The following PPIG variants were observed in gnomAD, a reference collection of about 807,000 sequenced individuals.
PPIG encodes peptidylprolyl isomerase G.
A neutral mutation model predicts 87.9 loss-of-function variants in PPIG; 26 were observed. The ratio of observed to expected loss-of-function variants is 0.30; its 90% CI spans 0.22 to 0.41. PPIG has a LOEUF of 0.41. Ranked by LOEUF, PPIG falls within the 10% of genes least tolerant of loss-of-function variation. PPIG has a pLI of 1.00. For synonymous variants in PPIG, 308 were observed against 276.5 expected (o/e 1.11, Z -1.13); for missense variants, 722 against 879.4 (o/e 0.82, Z 2.26).
chr2:169,626,993 A>G (rs1685905513), intron 9 of PPIG, among the ~76,000 whole-genome samples: 1 of 152,090 alleles, frequency 6.6e-6, no homozygotes, highest in Non-Finnish European at 1.5e-5. Flanking sequence ...TACAGGTGTG[A>G]GCCACCACCA....
rs1685566970 is a variant in PPIG, at chr2:169,614,676, G to A, written c.499G>A (p.Ala167Thr). The A allele has an allele frequency of 6.2e-7, 1 of 1,612,258 alleles. No homozygotes were observed. The highest frequency in any genetic ancestry group is 8.5e-7 in the Non-Finnish European group (1 of 1,179,820). The change falls in exon 9 of 14, where the codon GCG (alanine) becomes ACG (threonine). Residue 167 changes from alanine to threonine, a missense_variant. Coordinates refer to ENST00000260970, the MANE Select transcript of PPIG (RefSeq NM_004792.3). ...QKTDAASKPF[A>T]EVRILSCGEL... ...AACAGATGCAGCTAGCAAACCGTTT[G>A]CGGAGGTACGGATACTCAGTTGTGG...
chr2:169,605,869 A>G (rs1685312389), intron 4 of PPIG, among the ~76,000 whole-genome samples, 170 bp from the exon 5 acceptor site: 1 of 152,192 alleles, frequency 6.6e-6, no homozygotes, highest in East Asian at 1.9e-4. Context: ...CATTCTCCAG[A>G]AATAACGTGG....
chr2:169,598,033 C>T (rs1685071348), intron 1 of PPIG, among the ~76,000 whole-genome samples: 1 of 150,508 alleles, frequency 6.6e-6, no homozygotes, highest in Non-Finnish European at 1.5e-5. Flanking sequence ...CAGGGTCCCA[C>T]TCTGTCGCCC....
intron 1 of PPIG, among the ~76,000 whole-genome samples, chr2:169,589,697 A>G (rs528321537): frequency 6.6e-6 from 1 of 152,200 alleles, no homozygotes; most frequent in African/African-American, 2.4e-5. Flanking sequence ...AACACTTCCT[A>G]GTAGATCTAG....
At chr2:169,586,976 C>G (rs1684721887) in intron 1 of PPIG, among the ~76,000 whole-genome samples, 1 of 152,140 alleles carries the variant, frequency 6.6e-6, no homozygotes, top group African/African-American at 2.4e-5. Context: ...CTCTGTCGCC[C>G]AGGCTGGAGT....
chr2:169,600,233 C>T (rs1158457764), intron 1 of PPIG, among the ~76,000 whole-genome samples: 2 of 151,986 alleles, frequency 1.3e-5, no homozygotes, highest in African/African-American at 4.8e-5. Context: ...TGCCACCATG[C>T]CTGTCTAATT....
intron 1 of PPIG, among the ~76,000 whole-genome samples, chr2:169,599,295 G>A (rs911067995): frequency 3.3e-5 from 5 of 151,914 alleles, no homozygotes; most frequent in Non-Finnish European, 7.4e-5. Context: ...TCATTTCATG[G>A]GGGTATTTTT....
Position 169,636,662 on chromosome 2 carries a change from A to G in PPIG, c.1404A>G (p.Ser468=). The G allele has an allele frequency of 6.2e-7, 1 of 1,603,244 alleles. No homozygotes were observed. Among genetic ancestry groups the G allele is most frequent in the Non-Finnish European group, 8.5e-7 (1 of 1,177,626 alleles). ...SKSRSKSKEK[S]KSKERDSKHN... ...GTAGGAGTAAGAGCAAAGAGAAATC[A>G]AAGAGTAAAGAAAGAGATTCAAAAC... Residue 468 remains serine, a synonymous_variant, in exon 14 of 14, where the codon TCA becomes TCG. Transcript: ENST00000260970.
Position 169,637,562 on chromosome 2 carries a change from T to C in PPIG, c.*39T>C, listed in dbSNP as rs1355585373. On this transcript the variant is annotated 3_prime_UTR_variant, in exon 14 of 14. Coordinates refer to ENST00000260970, the MANE Select transcript of PPIG (RefSeq NM_004792.3). ...ACTTACTTCCATTCTGTTTCGGATT[T>C]TAAGTTTGAGAGACTTGCTAATGAA... is the stretch of plus-strand genomic sequence containing the variant. 1.3e-6 allele frequency: 2 copies of C among 1,484,094 alleles called. No individual in the cohort carries two copies. Among genetic ancestry groups the C allele is most frequent in the Non-Finnish European group, 8.9e-7 (1 of 1,121,194 alleles). 91.9% of individuals were successfully genotyped at this position (1,484,094 alleles called of 1,614,324 possible). A position where few individuals can be genotyped will look rare whatever the true frequency, so the allele number is the denominator to read the frequency against.
intron 9 of PPIG, among the ~76,000 whole-genome samples, chr2:169,624,404 A>G (rs1279870927): frequency 6.6e-6 from 1 of 152,192 alleles, no homozygotes. Context: ...ATCTAAACTA[A>G]TTAACCAGAA....
In PPIG at chr2:169,612,379, A is replaced by ATTT. The variant is rs57752220; in HGVS notation, c.378-2065_378-2063dup. ...ATATTGTAACATGTATCAGAACTCC[A>ATTT]TTTTTTTTTTTTTTTTTTTTTTGAG... On this transcript the variant is annotated intron_variant, in intron 7 of 13. Coordinates refer to ENST00000260970, the MANE Select transcript of PPIG (RefSeq NM_004792.3). Among the ~76,000 whole-genome samples the ATTT allele has an allele frequency of 1.9e-4, 20 of 106,730 alleles. 1 individual carries two copies. Among genetic ancestry groups the ATTT allele is most frequent in the African/African-American group, 6.4e-4 (17 of 26,494 alleles). The allele number at this position is 106,730 out of a possible 152,430, so 70.0% of individuals were successfully genotyped here.
intron 9 of PPIG, among the ~76,000 whole-genome samples, chr2:169,627,055 T>G (rs1388637444): frequency 6.6e-6 from 1 of 152,166 alleles, no homozygotes. Flanking sequence ...CTTGAGCAGA[T>G]TATATTCCTA....
At chr2:169,605,673 C>T (rs928166884) in intron 4 of PPIG, among the ~76,000 whole-genome samples, 2 of 151,728 alleles carry the variant, frequency 1.3e-5, no homozygotes, top group Admixed American at 6.6e-5. Context: ...GTGACAGGTG[C>T]CTGTAATCCC....
intron 9 of PPIG, among the ~76,000 whole-genome samples, chr2:169,620,783 G>A (rs1685728098): frequency 6.6e-6 from 1 of 152,042 alleles, no homozygotes; most frequent in Non-Finnish European, 1.5e-5. Flanking sequence ...GAAATATGTG[G>A]CTGATACTAT....
chr2:169,605,961 G>A (rs1280444115), intron 4 of PPIG, 78 bp from the exon 5 acceptor site: 2 of 941,880 alleles, frequency 2.1e-6, no homozygotes. Flanking sequence ...TTCAAGAGGG[G>A]CATATTTTAC....
intron 9 of PPIG, among the ~76,000 whole-genome samples, chr2:169,621,181 C>T (rs374992535): frequency 6.6e-6 from 1 of 151,920 alleles, no homozygotes; most frequent in Non-Finnish European, 1.5e-5. Context: ...TCTCATCTCA[C>T]CTTCTAGGTA....
intron 9 of PPIG, among the ~76,000 whole-genome samples, chr2:169,615,070 AC>A (rs1685578133): frequency 2.0e-5 from 3 of 151,730 alleles, no homozygotes; most frequent in African/African-American, 7.3e-5. Flanking sequence ...TTGTTTTGAG[AC>A]AGAGTCTCAC....
At chr2:169,629,895 G>A (rs1685990460) in intron 9 of PPIG, among the ~76,000 whole-genome samples, 1 of 152,108 alleles carries the variant, frequency 6.6e-6, no homozygotes, top group South Asian at 2.1e-4. Context: ...TACTTTATGA[G>A]TATCACTGTG....
intron 9 of PPIG, among the ~76,000 whole-genome samples, chr2:169,623,932 T>C (rs1685818040): frequency 6.6e-6 from 1 of 152,184 alleles, no homozygotes; most frequent in African/African-American, 2.4e-5. Flanking sequence ...TTTGTTACCT[T>C]AGGTTTTTAC....
Sources: gnomAD v4.1 joint callset for allele counts (sites outside exome capture counted in the v4.1 genomes callset) on GRCh38, gnomAD v4.1.1 for gene constraint, MANE v1.5 for transcripts, NCBI Gene and HGNC (gene_info 2026-07-23, HGNC 2026-07-21) for gene names.